The following CPS1 variants were observed in gnomAD, a reference collection of about 807,000 sequenced individuals.
CPS1 encodes carbamoyl-phosphate synthase 1.
CPS1 carries 109 observed loss-of-function variants against 174.6 expected under a neutral mutation model. The ratio of observed to expected loss-of-function variants is 0.62; its 90% CI spans 0.53 to 0.73. The LOEUF (loss-of-function observed/expected upper bound fraction) is 0.73. Among genes scored for constraint, CPS1 ranks in the 30% least tolerant of loss-of-function variants. CPS1 has a pLI of 0.00. For synonymous variants in CPS1, 637 were observed against 632.0 expected (o/e 1.01, Z -0.12); for missense variants, 1,689 against 1,821.9 (o/e 0.93, Z 1.33).
rs1698714502 is a variant in CPS1, at chr2:210,601,219, G to GC, written c.1707+511dup. On this transcript the variant is annotated intron_variant, in intron 15 of 37. Transcript: ENST00000233072. Reference sequence around the variant, plus strand: ...TGCTTTTCTGTTATTTATTTCCATTGCCCCTTATGCCTATCAATAAGCTAT... The same window carrying GC: ...TGCTTTTCTGTTATTTATTTCCATTGCCCCCTTATGCCTATCAATAAGCTAT... Among the ~76,000 whole-genome samples, 3 of 151,966 alleles carry GC rather than the reference G, an allele frequency of 2.0e-5. No homozygotes were observed. The South Asian group carries it at 6.2e-4, about 31-fold the overall frequency.
At chr2:210,570,527 T>G (rs2106067115) in intron 1 of CPS1, among the ~76,000 whole-genome samples, 1 of 151,884 alleles carries the variant, frequency 6.6e-6, no homozygotes, top group Non-Finnish European at 1.5e-5. Context: ...AAAAGCAAAA[T>G]AAAAATATAA....
At chr2:210,664,318 A>G (rs1001251385) in intron 33 of CPS1, among the ~76,000 whole-genome samples, 5 of 151,604 alleles carry the variant, frequency 3.3e-5, no homozygotes, top group African/African-American at 9.7e-5. Flanking sequence ...ATTTTCCTTC[A>G]TACTGTTTTA....
chr2:210,528,122 T>G (rs1696022401), intron 1 of CPS1, among the ~76,000 whole-genome samples: 1 of 151,882 alleles, frequency 6.6e-6, no homozygotes, highest in African/African-American at 2.4e-5. Context: ...TGTGGAGACT[T>G]GAAGTAGTAC....
intron 19 of CPS1, among the ~76,000 whole-genome samples, chr2:210,609,640 A>T (rs1332321576): frequency 6.6e-6 from 1 of 151,900 alleles, no homozygotes; most frequent in Admixed American, 6.6e-5. Context: ...ATCTTAGTTT[A>T]TCTGTATCTC....
At chr2:210,673,248 AG>A (rs1295949191) in intron 34 of CPS1, 2 of 152,274 alleles carry the variant, frequency 1.3e-5, no homozygotes, top group Non-Finnish European at 2.9e-5. Context: ...TAAATACGCC[AG>A]CTCAGTTACT....
At chr2:210,505,924 G>A (rs1202864387) in intron 1 of CPS1, among the ~76,000 whole-genome samples, 1 of 150,646 alleles carries the variant, frequency 6.6e-6, no homozygotes, top group African/African-American at 2.4e-5. Flanking sequence ...CGCAGCTCAA[G>A]GAGGCATGGC....
In CPS1 at chr2:210,571,855, TTGTGTGTGTGTGTGTGTGTGTGTG is replaced by T. The variant is rs71043997; in HGVS notation, c.127-1411_127-1388del. Reference sequence around the variant, plus strand: ...TGGAGTTCCTGCTGCCTACTAAAGTTTGTGTGTGTGTGTGTGTGTGTGTGTGTGTGTGTGTGTGTGTGTGTGTGT... The same window carrying T: ...TGGAGTTCCTGCTGCCTACTAAAGTTTGTGTGTGTGTGTGTGTGTGTGTGT... On this transcript the variant is annotated intron_variant, in intron 1 of 37. Coordinates refer to ENST00000233072, the MANE Select transcript of CPS1 (RefSeq NM_001875.5). 4.5e-3 allele frequency among the ~76,000 whole-genome samples: 628 copies of T among 139,718 alleles called. 2 individuals carry two copies. The highest frequency in any genetic ancestry group is 0.016 in the East Asian group (72 of 4,580). 91.7% of individuals were successfully genotyped at this position (139,718 alleles called of 152,430 possible).
At chr2:210,515,417 C>G (rs1449989744) in intron 1 of CPS1, among the ~76,000 whole-genome samples, 3 of 151,398 alleles carry the variant, frequency 2.0e-5, no homozygotes, top group Admixed American at 6.6e-5. Context: ...ATATTTCTTT[C>G]TGATTAAATG....
chr2:210,518,280 AT>A (rs1446348906), intron 1 of CPS1, among the ~76,000 whole-genome samples: 2 of 151,986 alleles, frequency 1.3e-5, no homozygotes, highest in Non-Finnish European at 2.9e-5. Context: ...TGCTGGGGCC[AT>A]TTGTCCCAGG....
intron 1 of CPS1, among the ~76,000 whole-genome samples, chr2:210,493,823 T>C (rs1694924558): frequency 6.6e-6 from 1 of 152,186 alleles, no homozygotes; most frequent in African/African-American, 2.4e-5. Context: ...GAACATCTCA[T>C]TTACAGCACT....
intron 1 of CPS1, among the ~76,000 whole-genome samples, chr2:210,497,764 G>A (rs1479634123): frequency 6.6e-6 from 1 of 151,674 alleles, no homozygotes; most frequent in East Asian, 1.9e-4. Context: ...TGGTGTATAT[G>A]TAGCACATTT....
chr2:210,575,175 T>C (rs1559084040), intron 2 of CPS1, among the ~76,000 whole-genome samples: 1 of 152,066 alleles, frequency 6.6e-6, no homozygotes, highest in Non-Finnish European at 1.5e-5. Context: ...AGACTATGTA[T>C]TTTGTTGACA....
chr2:210,608,498 A>T lies in CPS1; in HGVS notation c.2330A>T (p.Asp777Val), dbSNP rs1470955529. ...DYMVTKIPRW[D>V]LDRFHGTSSR... The stretch of plus-strand genomic sequence containing the variant: ...ATGGTCACCAAGATTCCCCGCTGGG[A>T]TCTTGACCGTTTTCATGGAACATCT... The change falls in exon 19 of 38, where the codon GAT becomes GTT. Residue 777 changes from aspartate to valine, a missense_variant. Physicochemically the swap from Asp to Val is radical, Grantham distance 152. Coordinates refer to ENST00000233072, the MANE Select transcript of CPS1 (RefSeq NM_001875.5). The T allele has an allele frequency of 6.2e-7, 1 of 1,612,300 alleles. No homozygotes were observed. Among genetic ancestry groups the T allele is most frequent in the Non-Finnish European group, 8.5e-7 (1 of 1,178,832 alleles).
intron 30 of CPS1, among the ~76,000 whole-genome samples, chr2:210,657,946 T>G (rs937759991): frequency 3.3e-5 from 5 of 152,278 alleles, no homozygotes; most frequent in Non-Finnish European, 5.9e-5. Flanking sequence ...TACTTCGTTT[T>G]ATACCCAATT....
intron 1 of CPS1, among the ~76,000 whole-genome samples, chr2:210,488,125 G>GT (rs2105947912): frequency 6.6e-6 from 1 of 151,442 alleles, no homozygotes; most frequent in African/African-American, 2.4e-5. Context: ...AAACTGATTT[G>GT]CTCTACCACC....
At chr2:210,519,996 A>G (rs967060675) in intron 1 of CPS1, among the ~76,000 whole-genome samples, 1 of 151,968 alleles carries the variant, frequency 6.6e-6, no homozygotes, top group Admixed American at 6.6e-5. Context: ...TTCCTCAGAT[A>G]AGTTCTGAGA....
At chr2:210,485,969 G>T (rs1274980723) in intron 1 of CPS1, among the ~76,000 whole-genome samples, 1 of 151,626 alleles carries the variant, frequency 6.6e-6, no homozygotes, top group Non-Finnish European at 1.5e-5. Flanking sequence ...CATTCTGGTG[G>T]ATTTGTAGTA....
intron 23 of CPS1, among the ~76,000 whole-genome samples, chr2:210,639,618 C>CAAA (rs397987630): frequency 0.044 from 1,394 of 31,996 alleles, 122 homozygotes; most frequent in Admixed American, 0.052. Context: ...GACTCCGTCT[C>CAAA]AAAAAAAAAA....
chr2:210,566,892 T>C (rs1697322904), intron 1 of CPS1, among the ~76,000 whole-genome samples: 1 of 152,040 alleles, frequency 6.6e-6, no homozygotes, highest in Non-Finnish European at 1.5e-5. Flanking sequence ...CACAACATGC[T>C]CCCAAACCTT....
Sources: gnomAD v4.1 joint callset for allele counts (sites outside exome capture counted in the v4.1 genomes callset) on GRCh38, gnomAD v4.1.1 for gene constraint, MANE v1.5 for transcripts, NCBI Gene and HGNC (gene_info 2026-07-23, HGNC 2026-07-21) for gene names.